CDH13: variants seen among roughly 807,000 people sequenced by gnomAD.
CDH13 encodes cadherin 13, also known as cadherin-13.
Under a neutral mutation model 63.8 loss-of-function variants are expected in CDH13, and 24 were observed. The observed-to-expected ratio is 0.38, with a 90% CI of 0.27 to 0.53. CDH13 has a LOEUF of 0.53. Ranked by LOEUF, CDH13 falls within the 20% of genes least tolerant of loss-of-function variation. CDH13 has a pLI of 0.85. For synonymous variants in CDH13, 503 were observed against 355.3 expected, an observed-to-expected ratio of 1.42 and a Z score of -4.67; for missense variants, 1,049 against 903.1, an observed-to-expected ratio of 1.16 and a Z score of -2.07.
chr16:83,197,847 A>G (rs2038920016), intron 4 of CDH13, among the ~76,000 whole-genome samples: 1 of 151,806 alleles, frequency 6.6e-6, no homozygotes, highest in South Asian at 2.1e-4. Flanking sequence ...CACACAAAGT[A>G]TAAGTAAAAT....
chr16:82,883,915 C>T (rs2040791615), intron 2 of CDH13, among the ~76,000 whole-genome samples: 1 of 152,140 alleles, frequency 6.6e-6, no homozygotes, highest in African/African-American at 2.4e-5. Context: ...TCTTGGCTCT[C>T]CAACTTAATG....
chr16:82,994,790 A>C (rs1029212691), intron 2 of CDH13, among the ~76,000 whole-genome samples: 2 of 152,198 alleles, frequency 1.3e-5, no homozygotes, highest in African/African-American at 2.4e-5. Context: ...TTGTCAGTTT[A>C]GTTCAGCTTT....
intron 2 of CDH13, among the ~76,000 whole-genome samples, chr16:82,960,990 G>T (rs1228497569): frequency 2.0e-5 from 3 of 152,164 alleles, no homozygotes; most frequent in Non-Finnish European, 4.4e-5. Flanking sequence ...TTCCACATTG[G>T]GTTCTGCCTT....
At chr16:83,141,688 C>A (rs1156491030) in intron 4 of CDH13, among the ~76,000 whole-genome samples, 5 of 152,084 alleles carry the variant, frequency 3.3e-5, no homozygotes, top group Non-Finnish European at 7.4e-5. Flanking sequence ...CCCCAACAGG[C>A]CCCAGTGTGT....
chr16:83,015,808 T>C (rs1914736704), intron 2 of CDH13, among the ~76,000 whole-genome samples: 1 of 149,076 alleles, frequency 6.7e-6, no homozygotes, highest in South Asian at 2.1e-4. Flanking sequence ...CACATGGGGC[T>C]GTCTATAATC....
intron 2 of CDH13, among the ~76,000 whole-genome samples, chr16:83,023,725 A>G (rs892915529): frequency 2.0e-5 from 3 of 152,216 alleles, no homozygotes; most frequent in Admixed American, 1.3e-4. Flanking sequence ...TTTGAGAATC[A>G]CTGACACTTT....
chr16:82,839,305 C>G (rs1381530483), intron 1 of CDH13, among the ~76,000 whole-genome samples: 3 of 152,150 alleles, frequency 2.0e-5, no homozygotes, highest in Non-Finnish European at 4.4e-5. Context: ...GAAAGGTGCC[C>G]CATTATTACT....
chr16:83,635,332 CTTTTTTTTTTTTTTT>C (rs71148847), intron 8 of CDH13, among the ~76,000 whole-genome samples: 1 of 46,730 alleles, frequency 2.1e-5, no homozygotes, highest in Non-Finnish European at 3.5e-5. Context: ...CATTTTCTTT[CTTTTTTTTTTTTTTT>C]TTTTTTTTTT....
intron 2 of CDH13, among the ~76,000 whole-genome samples, chr16:82,986,620 TG>T (rs1251657666): frequency 6.6e-6 from 1 of 152,220 alleles, no homozygotes; most frequent in Admixed American, 6.5e-5. Flanking sequence ...GTCTTCTTCC[TG>T]TGTCTCTTAT....
intron 6 of CDH13, among the ~76,000 whole-genome samples, chr16:83,358,069 C>T (rs1261466353): frequency 6.6e-6 from 1 of 152,168 alleles, no homozygotes; most frequent in African/African-American, 2.4e-5. Context: ...TCCAGCAGAG[C>T]AGAAGCATTT....
intron 1 of CDH13, among the ~76,000 whole-genome samples, chr16:82,726,633 A>G (rs749427147): frequency 1.3e-5 from 2 of 152,330 alleles, no homozygotes; most frequent in Admixed American, 6.5e-5. Context: ...GGCACACTCC[A>G]TAAGTAGTCA....
intron 1 of CDH13, among the ~76,000 whole-genome samples, chr16:82,640,348 A>G (rs889170074): frequency 6.6e-6 from 1 of 151,916 alleles, no homozygotes; most frequent in Non-Finnish European, 1.5e-5. Flanking sequence ...ACTTTTGTCA[A>G]CTCTCTACTT....
chr16:83,145,762 G>A (rs1005695815), intron 4 of CDH13, among the ~76,000 whole-genome samples: 1 of 152,156 alleles, frequency 6.6e-6, no homozygotes, highest in Non-Finnish European at 1.5e-5. Flanking sequence ...GAGGAATAGA[G>A]GGGCTAGCAG....
intron 3 of CDH13, among the ~76,000 whole-genome samples, chr16:83,089,385 C>A (rs113116691): frequency 0.045 from 6,809 of 152,288 alleles, 189 homozygotes; most frequent in South Asian, 0.1. Context: ...GTGTGGCAGG[C>A]ACTATTCTAT....
chr16:83,684,485 C>T (rs968942916), intron 10 of CDH13, among the ~76,000 whole-genome samples: 1 of 152,178 alleles, frequency 6.6e-6, no homozygotes, highest in African/African-American at 2.4e-5. Flanking sequence ...CCATCAGATC[C>T]CTGATTTGGT....
intron 1 of CDH13, among the ~76,000 whole-genome samples, chr16:82,782,030 C>T (rs780867763): frequency 6.6e-6 from 1 of 152,188 alleles, no homozygotes; most frequent in Non-Finnish European, 1.5e-5. Context: ...GGGTGAGGAA[C>T]ACAACAGCAG....
At chr16:83,162,056 C>A (rs889523791) in intron 4 of CDH13, among the ~76,000 whole-genome samples, 7 of 152,184 alleles carry the variant, frequency 4.6e-5, no homozygotes, top group African/African-American at 1.4e-4. Context: ...GGGTTAGGCC[C>A]ATTTTATAAA....
At chr16:83,238,421 A>G (rs562084986) in intron 5 of CDH13, among the ~76,000 whole-genome samples, 19 of 152,108 alleles carry the variant, frequency 1.2e-4, no homozygotes, top group Non-Finnish European at 2.6e-4. Context: ...GGAAAGACCC[A>G]CCCCCATGAT....
intron 6 of CDH13, among the ~76,000 whole-genome samples, chr16:83,384,820 C>T (rs551570301): frequency 7.9e-5 from 12 of 152,338 alleles, no homozygotes; most frequent in African/African-American, 2.9e-4. Flanking sequence ...TCAGATAAAT[C>T]CACCTGTCCT....
Sources: gnomAD v4.1 joint callset for allele counts (sites outside exome capture counted in the v4.1 genomes callset) on GRCh38, gnomAD v4.1.1 for gene constraint, MANE v1.5 for transcripts, NCBI Gene and HGNC (gene_info 2026-07-23, HGNC 2026-07-21) for gene names.